The following CACNA1B variants were observed in gnomAD, a reference collection of about 807,000 sequenced individuals.
CACNA1B encodes the protein voltage-dependent N-type calcium channel subunit alpha-1B.
In CACNA1B, 70 loss-of-function variants were observed where a neutral mutation model predicts 247.2. The observed-to-expected ratio is 0.28, with a 90% CI of 0.23 to 0.35. The LOEUF is 0.35. Ranked by LOEUF, CACNA1B falls within the 10% of genes least tolerant of loss-of-function variation. CACNA1B has a pLI of 1.00. For synonymous variants in CACNA1B, 1,231 were observed against 1,294.4 expected, an observed-to-expected ratio of 0.95 and a Z score of 1.05; for missense variants, 2,367 against 3,197.4, an observed-to-expected ratio of 0.74 and a Z score of 6.26.
chr9:138,039,157 C>T (rs1172043131), intron 20 of CACNA1B, among the ~76,000 whole-genome samples: 1 of 151,598 alleles, frequency 6.6e-6, no homozygotes, highest in Non-Finnish European at 1.5e-5. Context: ...GATCTCGCCA[C>T]TGCACTCCAG....
intron 3 of CACNA1B, among the ~76,000 whole-genome samples, chr9:137,897,643 T>C (rs1283960414): frequency 6.6e-6 from 1 of 152,204 alleles, no homozygotes; most frequent in Non-Finnish European, 1.5e-5. Flanking sequence ...TACTACACAT[T>C]TTAATATGTT....
At chr9:138,097,105 CAG>C (rs1235365383) in intron 37 of CACNA1B, among the ~76,000 whole-genome samples, 2 of 151,968 alleles carry the variant, frequency 1.3e-5, no homozygotes, top group Non-Finnish European at 2.9e-5. Flanking sequence ...CTTTTGGGGA[CAG>C]GGGCCAACAT....
At position 138,102,735 on chromosome 9, in the gene CACNA1B, GTT is replaced by G; in HGVS notation, c.5249_5250del (p.Phe1750Ter). 6.2e-7 allele frequency: 1 copy of G among 1,612,722 alleles called. No homozygotes were observed. The highest frequency in any genetic ancestry group is 8.5e-7 in the Non-Finnish European group (1 of 1,179,216). On this transcript the variant is annotated frameshift_variant, in exon 38 of 47. Transcript: ENST00000371372. LOFTEE classifies it high-confidence loss of function. The surrounding 1 kb of genome is among the most constrained non-coding windows in gnomAD (Gnocchi z 5.4). ...GTGGGCGCATCAGTTACAATGACATGTTTGAGATGCTGAAACACATGTCCCCG... is the reference window on the plus strand; with the variant it reads ...GTGGGCGCATCAGTTACAATGACATGTGAGATGCTGAAACACATGTCCCCG... The part of the protein sequence containing the change: ...ACGRISYNDM[F>X]EMLKHMSPPL...
intron 10 of CACNA1B, among the ~76,000 whole-genome samples, chr9:137,961,275 T>G (rs1286121964): frequency 6.6e-6 from 1 of 152,312 alleles, no homozygotes; most frequent in South Asian, 2.1e-4. Flanking sequence ...TGAAGTTGTT[T>G]ATCAGCTTGA....
chr9:137,988,399 AG>A (rs547013654), intron 15 of CACNA1B, among the ~76,000 whole-genome samples: 2 of 152,042 alleles, frequency 1.3e-5, no homozygotes, highest in Non-Finnish European at 2.9e-5. Context: ...GCTCCATGCC[AG>A]GGGGGTGGCA....
At chr9:138,053,762 C>G (rs577540679) in intron 25 of CACNA1B, 84 bp from the exon 26 acceptor site, 2 of 1,053,322 alleles carry the variant, frequency 1.9e-6, no homozygotes, top group Non-Finnish European at 2.9e-6. Flanking sequence ...CACCCCTCCC[C>G]GTGACCCTAC....
chr9:137,930,674 A>G (rs1027172719), intron 6 of CACNA1B, among the ~76,000 whole-genome samples: 6 of 152,140 alleles, frequency 3.9e-5, no homozygotes, highest in Admixed American at 2.0e-4. Context: ...AATTGTTAAG[A>G]GAGAGGTGTA....
In CACNA1B at chr9:138,011,637, C is replaced by T. The variant is rs1378185970; in HGVS notation, c.2161-1492C>T. On this transcript the variant is annotated intron_variant, in intron 17 of 46. Transcript: ENST00000371372. This position sits in a 1 kb window ranked among gnomAD's most constrained non-coding sequence, Gnocchi z 4.2. ...ACTCCCTGGAGTGACTGGCAAAGTCCCTGCCCCAGAGGGTGGGAAGCTGGA... is the reference window on the plus strand; with the variant it reads ...ACTCCCTGGAGTGACTGGCAAAGTCTCTGCCCCAGAGGGTGGGAAGCTGGA... Among the ~76,000 whole-genome samples the T allele has an allele frequency of 6.6e-6, 1 of 152,118 alleles. No individual in the cohort carries two copies. Among genetic ancestry groups the T allele is most frequent in the African/African-American group, 2.4e-5 (1 of 41,416 alleles).
chr9:137,902,429 T>C (rs1277444620), intron 3 of CACNA1B, among the ~76,000 whole-genome samples: 4 of 152,232 alleles, frequency 2.6e-5, no homozygotes, highest in Non-Finnish European at 5.9e-5. Context: ...CTTCAGGGCG[T>C]AGAAAGTACC....
intron 38 of CACNA1B, 64 bp from the exon 39 acceptor site, chr9:138,105,635 C>T (rs988521890): frequency 2.7e-5 from 23 of 859,164 alleles, no homozygotes; most frequent in South Asian, 2.6e-4. Context: ...CCCATCATTG[C>T]GTAGTCTTGG....
chr9:137,986,842 C>T lies in CACNA1B; in HGVS notation c.1962C>T (p.Leu654=), dbSNP rs1026202196. The T allele has an allele frequency of 3.1e-6, 5 of 1,613,586 alleles. No homozygotes were observed. The highest frequency in any genetic ancestry group is 3.3e-4 in the Middle Eastern group (2 of 6,062). Residue 654 remains leucine, a synonymous_variant, in exon 15 of 47, where the codon CTC becomes CTT. Coordinates refer to ENST00000371372, the MANE Select transcript of CACNA1B (RefSeq NM_000718.4). The surrounding 1 kb of genome is among the most constrained non-coding windows in gnomAD (Gnocchi z 6.0). Reference sequence around the variant, plus strand: ...TCGACACCTTCCCTGCCGCCATCCTCACTGTCTTCCAGGTAAGGCACCTGC... The same window carrying T: ...TCGACACCTTCCCTGCCGCCATCCTTACTGTCTTCCAGGTAAGGCACCTGC... The part of the protein sequence containing the change: ...TNFDTFPAAI[L]TVFQILTGED...
rs917697952 is a variant in CACNA1B at position 137,882,611 on chromosome 9, C to A, written c.391-133C>A. 1 of 962,814 alleles carries A rather than the reference C, an allele frequency of 1.0e-6. No homozygotes were observed. The allele number at this position is 962,814 out of a possible 1,614,324, so 59.6% of individuals were successfully genotyped here. ...TGGAGAATCTGCAGGGTGTTGGGGG[C>A]AAGGTGAGGAGGGTCAGACCCTCAC... On this transcript the variant is annotated intron_variant, in intron 2 of 46. Coordinates refer to ENST00000371372, the MANE Select transcript of CACNA1B (RefSeq NM_000718.4). The surrounding 1 kb of genome is among the most constrained non-coding windows in gnomAD (Gnocchi z 4.0).
At chr9:137,975,707 G>A (rs1958211633) in intron 11 of CACNA1B, among the ~76,000 whole-genome samples, 200 bp from the exon 12 acceptor site, 1 of 152,208 alleles carries the variant, frequency 6.6e-6, no homozygotes, top group Non-Finnish European at 1.5e-5. Flanking sequence ...CCACCTTTCA[G>A]ACTGGAACAG....
chr9:137,948,947 T>A, intron 6 of CACNA1B, among the ~76,000 whole-genome samples: 1 of 148,518 alleles, frequency 6.7e-6, no homozygotes, highest in Non-Finnish European at 1.5e-5. Flanking sequence ...GTGTATGGTC[T>A]GTGTGGCATG....
Position 137,954,232 on chromosome 9 carries a change from G to A in CACNA1B, c.1071-1466G>A, listed in dbSNP as rs1957917409. Among the ~76,000 whole-genome samples the A allele has an allele frequency of 6.6e-6, 1 of 152,210 alleles. No individual in the cohort carries two copies. The highest frequency in any genetic ancestry group is 1.5e-5 in the Non-Finnish European group (1 of 68,032). The stretch of plus-strand genomic sequence containing the variant: ...GGGTCCTGCACCCCGGGGTGGCAGT[G>A]GTGAGAGGCCGCCTTCCCAGCCTTG... On this transcript the variant is annotated intron_variant, in intron 7 of 46. Coordinates refer to ENST00000371372, the MANE Select transcript of CACNA1B (RefSeq NM_000718.4). The surrounding 1 kb of genome is among the most constrained non-coding windows in gnomAD (Gnocchi z 4.1).
At position 138,050,149 on chromosome 9, in the gene CACNA1B, G is replaced by T. The variant is rs1404678299; in HGVS notation, c.3710+834G>T. 2 of 1,201,604 alleles carry T rather than the reference G, an allele frequency of 1.7e-6. No homozygotes were observed. The highest frequency in any genetic ancestry group is 2.2e-6 in the Non-Finnish European group (2 of 908,610). 74.4% of individuals were successfully genotyped at this position (1,201,604 alleles called of 1,614,324 possible). The stretch of plus-strand genomic sequence containing the variant: ...CACAGCATTCCAGCAGCCCCTCTTG[G>T]GTCATTTCATCTCCAGCCTCACCCC... On this transcript the variant is annotated intron_variant, in intron 24 of 46. Coordinates refer to ENST00000371372, the MANE Select transcript of CACNA1B (RefSeq NM_000718.4). This position sits in a 1 kb window ranked among gnomAD's most constrained non-coding sequence, Gnocchi z 5.2.
At chr9:137,886,417 C>G (rs1448153233) in intron 3 of CACNA1B, among the ~76,000 whole-genome samples, 11 of 152,202 alleles carry the variant, frequency 7.2e-5, no homozygotes, top group Non-Finnish European at 1.6e-4. Flanking sequence ...CATCCACCAT[C>G]CTGCCCTCTG....
intron 12 of CACNA1B, among the ~76,000 whole-genome samples, chr9:137,978,154 A>ACC (rs1958246755): frequency 4.5e-5 from 5 of 111,198 alleles, no homozygotes; most frequent in Admixed American, 1.9e-4. Context: ...TGGGAGCACT[A>ACC]CTTCCCCCCC....
intron 18 of CACNA1B, among the ~76,000 whole-genome samples, chr9:138,022,808 G>C (rs536188029): frequency 2.9e-5 from 2 of 69,570 alleles, no homozygotes; most frequent in African/African-American, 3.8e-4. Context: ...GACACCGTGG[G>C]GGGGGGGGGC....
Sources: gnomAD v4.1 joint callset for allele counts (sites outside exome capture counted in the v4.1 genomes callset) on GRCh38, gnomAD v4.1.1 for gene constraint, Gnocchi (gnomAD v3.1) non-coding constraint, MANE v1.5 for transcripts, NCBI Gene and HGNC (gene_info 2026-07-23, HGNC 2026-07-21) for gene names.